The following NKAIN2 variants were observed in gnomAD, a reference collection of about 807,000 sequenced individuals.
The protein encoded by NKAIN2 is sodium/potassium-transporting ATPase subunit beta-1-interacting protein 2.
NKAIN2 carries 14 observed loss-of-function variants against 32.6 expected under a neutral mutation model. The ratio of observed to expected loss-of-function variants is 0.43; its 90% CI spans 0.28 to 0.67. The LOEUF (loss-of-function observed/expected upper bound fraction) is 0.67, where lower values mean the gene tolerates loss of function less well. Among genes scored for constraint, NKAIN2 ranks in the 30% least tolerant of loss-of-function variants. The pLI, the probability that NKAIN2 is intolerant of heterozygous loss-of-function variation, is 0.17. For missense variants in NKAIN2, 198 were observed against 258.3 expected (o/e 0.77, Z 1.60); for synonymous variants, 80 against 87.2 (o/e 0.92, Z 0.46).
intron 1 of NKAIN2, among the ~76,000 whole-genome samples, chr6:123,985,822 A>C (rs1779111837): frequency 6.6e-6 from 1 of 152,292 alleles, no homozygotes; most frequent in South Asian, 2.1e-4. Flanking sequence ...TTTCACTGAA[A>C]CTAGAAAGAG....
intron 1 of NKAIN2, among the ~76,000 whole-genome samples, chr6:124,112,097 A>G (rs1261520895): frequency 1.3e-5 from 2 of 152,100 alleles, no homozygotes; most frequent in Non-Finnish European, 2.9e-5. Flanking sequence ...TTTACCCACC[A>G]CCATTACAAT....
At chr6:124,376,631 A>G (rs1046880338) in intron 3 of NKAIN2, among the ~76,000 whole-genome samples, 3 of 152,224 alleles carry the variant, frequency 2.0e-5, no homozygotes, top group African/African-American at 7.2e-5. Flanking sequence ...TCCCTACATC[A>G]CTGCCTTTGT....
chr6:124,763,266 A>G (rs752704244), intron 4 of NKAIN2, among the ~76,000 whole-genome samples: 4 of 152,330 alleles, frequency 2.6e-5, no homozygotes, highest in Admixed American at 1.3e-4. Flanking sequence ...GCACTGCTAT[A>G]AAGAAATATG....
intron 1 of NKAIN2, among the ~76,000 whole-genome samples, chr6:124,031,510 A>C (rs1781404471): frequency 6.6e-6 from 1 of 152,068 alleles, no homozygotes; most frequent in East Asian, 1.9e-4. Context: ...TTAGGGTGTC[A>C]ATTTTAGATC....
chr6:124,039,618 G>T (rs1012912323), intron 1 of NKAIN2, among the ~76,000 whole-genome samples: 1 of 151,480 alleles, frequency 6.6e-6, no homozygotes, highest in Non-Finnish European at 1.5e-5. Context: ...CAAAAATTGG[G>T]CATTTAATTT....
intron 5 of NKAIN2, among the ~76,000 whole-genome samples, chr6:124,793,228 T>A (rs1779826422): frequency 6.6e-6 from 1 of 152,110 alleles, no homozygotes; most frequent in Non-Finnish European, 1.5e-5. Flanking sequence ...TAGATGGAAT[T>A]GCCACTTGCG....
chr6:124,786,508 G>C (rs534294444), intron 4 of NKAIN2, among the ~76,000 whole-genome samples: 1 of 152,030 alleles, frequency 6.6e-6, no homozygotes, highest in South Asian at 2.1e-4. Flanking sequence ...GTGAATTTCT[G>C]GGACATACAA....
chr6:123,978,203 CTG>C (rs1392157523), intron 1 of NKAIN2, among the ~76,000 whole-genome samples: 169 of 152,168 alleles, frequency 1.1e-3, no homozygotes, highest in African/African-American at 3.9e-3. Context: ...CAGTTGGACT[CTG>C]TTAGTTTTCT....
chr6:124,281,493 G>T (rs756257354), intron 1 of NKAIN2, among the ~76,000 whole-genome samples: 2 of 152,192 alleles, frequency 1.3e-5, no homozygotes, highest in Non-Finnish European at 2.9e-5. Flanking sequence ...ATGACAGTCT[G>T]TGTTTATTAA....
chr6:124,631,457 G>A (rs538089086), intron 3 of NKAIN2, among the ~76,000 whole-genome samples: 1 of 152,210 alleles, frequency 6.6e-6, no homozygotes, highest in Admixed American at 6.5e-5. Flanking sequence ...TATATAATAT[G>A]TGATTGTTAG....
intron 1 of NKAIN2, among the ~76,000 whole-genome samples, chr6:124,075,826 C>T (rs1231018018): frequency 2.0e-5 from 3 of 152,288 alleles, no homozygotes; most frequent in South Asian, 2.1e-4. Context: ...GAACTCCTGA[C>T]CTCAAGTGAT....
In NKAIN2 at chr6:124,366,147, A is replaced by G. The variant is rs1355002675; in HGVS notation, c.273+10800A>G. Among the ~76,000 whole-genome samples, 4 of 152,128 alleles carry G rather than the reference A, an allele frequency of 2.6e-5. No homozygotes were observed. In the East Asian group the frequency reaches 7.7e-4, roughly 29 times the overall value. ...ATAACAAGGACAATAGCAGAACTCAATGCATATACAATAGGGGAAAAAAAG... is the reference window on the plus strand; with the variant it reads ...ATAACAAGGACAATAGCAGAACTCAGTGCATATACAATAGGGGAAAAAAAG... On this transcript the variant is annotated intron_variant, in intron 3 of 6. Coordinates refer to ENST00000368417, the MANE Select transcript of NKAIN2 (RefSeq NM_001040214.3).
intron 1 of NKAIN2, among the ~76,000 whole-genome samples, chr6:123,884,277 A>G (rs146018575): frequency 0.024 from 3,714 of 152,262 alleles, 59 homozygotes; most frequent in African/African-American, 0.04. Context: ...TGCAAAGAAC[A>G]TATTTCATTC....
intron 1 of NKAIN2, among the ~76,000 whole-genome samples, chr6:123,856,983 A>G (rs1299317779): frequency 6.6e-6 from 1 of 152,200 alleles, no homozygotes; most frequent in Non-Finnish European, 1.5e-5. Context: ...GACTACAATA[A>G]TCAAATCTCA....
At chr6:124,235,602 GT>G (rs35917574) in intron 1 of NKAIN2, among the ~76,000 whole-genome samples, 87,224 of 147,346 alleles carry the variant, frequency 0.59, 27,252 homozygotes, top group South Asian at 0.72. Flanking sequence ...TTTTTTTGTT[GT>G]TTTTTTTTTT....
At chr6:123,912,648 C>T (rs1775275003) in intron 1 of NKAIN2, among the ~76,000 whole-genome samples, 1 of 152,170 alleles carries the variant, frequency 6.6e-6, no homozygotes, top group Non-Finnish European at 1.5e-5. Context: ...CTCTTGCTTC[C>T]TCTCTTGCCA....
chr6:124,412,564 C>T (rs1345727643), intron 3 of NKAIN2, among the ~76,000 whole-genome samples: 2 of 152,118 alleles, frequency 1.3e-5, no homozygotes, highest in Admixed American at 6.5e-5. Flanking sequence ...CCCGGCCGTG[C>T]GAGGTGTCAG....
intron 1 of NKAIN2, among the ~76,000 whole-genome samples, chr6:124,131,580 C>T (rs1336220057): frequency 6.6e-6 from 1 of 152,148 alleles, no homozygotes; most frequent in Admixed American, 6.5e-5. Flanking sequence ...AGGGAAAAAC[C>T]TGCCTCCAAA....
In NKAIN2 at chr6:123,811,681, T is replaced by A. The variant is rs528042997; in HGVS notation, c.54+7427T>A. ...GGAGATAATATGCTAAAAGTTAACA[T>A]CTTTACAGTTTTAATGTTTTAACCT... is the stretch of plus-strand genomic sequence containing the variant. On this transcript the variant is annotated intron_variant, in intron 1 of 6. Coordinates refer to ENST00000368417, the MANE Select transcript of NKAIN2 (RefSeq NM_001040214.3). 2.6e-5 allele frequency among the ~76,000 whole-genome samples: 4 copies of A among 152,172 alleles called. No individual in the cohort carries two copies. In the South Asian group the frequency reaches 8.3e-4, roughly 32 times the overall value.
Sources: gnomAD v4.1 joint callset for allele counts (sites outside exome capture counted in the v4.1 genomes callset) on GRCh38, gnomAD v4.1.1 for gene constraint, MANE v1.5 for transcripts, NCBI Gene and HGNC (gene_info 2026-07-23, HGNC 2026-07-21) for gene names.